The following CUL4A variants were observed in gnomAD, a reference collection of about 807,000 sequenced individuals.
CUL4A encodes the protein cullin 4A.
A neutral mutation model predicts 95.5 loss-of-function variants in CUL4A; 16 were observed. The observed-to-expected ratio is 0.17, with a 90% CI of 0.11 to 0.25. The LOEUF (loss-of-function observed/expected upper bound fraction) is 0.25, where lower values mean the gene tolerates loss of function less well. Ranked by LOEUF, CUL4A falls within the 10% of genes least tolerant of loss-of-function variation. The pLI is 1.00. For synonymous variants in CUL4A, 380 were observed against 353.1 expected (o/e 1.08, Z -0.85); for missense variants, 610 against 937.0 (o/e 0.65, Z 4.56).
In CUL4A at chr13:113,254,957, T is replaced by C. The variant is rs201528746; in HGVS notation, c.1863T>C (p.Asp621=). Residue 621 remains aspartate, a synonymous_variant, in exon 18 of 20, where the codon GAT becomes GAC. Coordinates refer to ENST00000375440, the MANE Select transcript of CUL4A (RefSeq NM_001008895.4). ...EEIKMATGIE[D]SELRRTLQSL... is the part of the protein sequence containing the mutation. Reference sequence around the variant, plus strand: ...CTGCATTTGCTTCCCATTCAGAGGATAGTGAATTGCGCAGAACGCTGCAGT... The same window carrying C: ...CTGCATTTGCTTCCCATTCAGAGGACAGTGAATTGCGCAGAACGCTGCAGT... 208 of 1,610,630 alleles carry C rather than the reference T, an allele frequency of 1.3e-4. No homozygotes were observed. Among genetic ancestry groups the C allele is most frequent in the Non-Finnish European group, 1.3e-4 (158 of 1,178,304 alleles).
chr13:113,244,029 TC>T (rs34508818), intron 11 of CUL4A, among the ~76,000 whole-genome samples: 30,120 of 152,088 alleles, frequency 0.2, 3,781 homozygotes, highest in South Asian at 0.43. Context: ...AGAAAGTCTT[TC>T]TCTTTGAGAA....
At chr13:113,243,974 C>T (rs1049626408) in intron 11 of CUL4A, among the ~76,000 whole-genome samples, 1 of 152,112 alleles carries the variant, frequency 6.6e-6, no homozygotes, top group African/African-American at 2.4e-5. Flanking sequence ...ACAGGAAGCC[C>T]GAGTAGAAAT....
chr13:113,234,871 C>T (rs889005286), intron 7 of CUL4A, among the ~76,000 whole-genome samples, 192 bp from the exon 8 acceptor site: 2 of 152,172 alleles, frequency 1.3e-5, no homozygotes, highest in Admixed American at 1.3e-4. Flanking sequence ...TTAATATCAG[C>T]GTCCTTTCTC....
At chr13:113,208,579 G>A (rs778009640), upstream of CUL4A, 51 of 1,606,006 alleles carry the variant, frequency 3.2e-5, no homozygotes, top group Middle Eastern at 5.0e-4. Context: ...GCCGCCGCGC[G>A]CTCCCCGGCT....
At chr13:113,261,617 C>A (rs1331626582) in intron 19 of CUL4A, among the ~76,000 whole-genome samples, 1 of 152,148 alleles carries the variant, frequency 6.6e-6, no homozygotes, top group South Asian at 2.1e-4. Flanking sequence ...CCTGTTGCCA[C>A]TGCAAACAAT....
At chr13:113,223,608 G>A (rs1015621504) in intron 3 of CUL4A, among the ~76,000 whole-genome samples, 45 of 152,152 alleles carry the variant, frequency 3.0e-4, no homozygotes, top group African/African-American at 1.1e-3. Context: ...CATTGGTCAG[G>A]CTGGTCTCGA....
intron 11 of CUL4A, chr13:113,244,104 C>T (rs2302755): frequency 0.24 from 56,999 of 234,206 alleles, 8,278 homozygotes; most frequent in East Asian, 0.53. Flanking sequence ...GGGGCAGTCA[C>T]GTCCTGAAAC....
intron 9 of CUL4A, 48 bp downstream of exon 9, chr13:113,236,938 G>A (rs1489702555): frequency 7.5e-7 from 1 of 1,334,474 alleles, no homozygotes; most frequent in East Asian, 2.3e-5. Flanking sequence ...ATTATCCTTA[G>A]TTCATTAGGA....
At chr13:113,228,926 C>G (rs2041207347) in intron 4 of CUL4A, among the ~76,000 whole-genome samples, 1 of 151,682 alleles carries the variant, frequency 6.6e-6, no homozygotes, top group African/African-American at 2.4e-5. Context: ...CGAGACCATC[C>G]TGGCTAACAC....
intron 8 of CUL4A, among the ~76,000 whole-genome samples, chr13:113,236,317 G>C (rs1463564283): frequency 6.6e-6 from 1 of 152,164 alleles, no homozygotes; most frequent in African/African-American, 2.4e-5. Context: ...AGCAGCCCCC[G>C]GGAGACTGGG....
intron 2 of CUL4A, among the ~76,000 whole-genome samples, chr13:113,212,850 T>C (rs1462194561): frequency 6.6e-6 from 1 of 152,188 alleles, no homozygotes; most frequent in East Asian, 1.9e-4. Flanking sequence ...TTCAGTCTCT[T>C]TTCCCCTACT....
intron 4 of CUL4A, 74 bp downstream of exon 4, chr13:113,228,119 C>T (rs2041174294): frequency 9.0e-7 from 1 of 1,115,866 alleles, no homozygotes; most frequent in Non-Finnish European, 1.4e-6. Flanking sequence ...AGAGCTGAGA[C>T]ATAGAAGTTC....
At chr13:113,212,017 TGTGTGGTGGA>T (rs2040466977) in intron 2 of CUL4A, among the ~76,000 whole-genome samples, 1 of 152,164 alleles carries the variant, frequency 6.6e-6, no homozygotes, top group East Asian at 1.9e-4. Context: ...TGCTTGTGGG[TGTGTGGTGGA>T]GTGTCATTGT....
rs527826712 is a variant in CUL4A at position 113,264,969 on chromosome 13, G to A, written c.*1387G>A. ...TCTATTTTTTTTTTCTTATAAGTTC[G>A]TTGTGTCTAGAGATTGTTAATATTG... On this transcript the variant is annotated 3_prime_UTR_variant, in exon 20 of 20. Coordinates refer to ENST00000375440, the MANE Select transcript of CUL4A (RefSeq NM_001008895.4). The A allele has an allele frequency of 2.0e-5, 3 of 151,766 alleles. No homozygotes were observed. Among genetic ancestry groups the A allele is most frequent in the Admixed American group, 6.6e-5 (1 of 15,252 alleles). The allele number at this position is 151,766 out of a possible 1,614,324, so 9.4% of individuals were successfully genotyped here. A position where few individuals can be genotyped will look rare whatever the true frequency, so the allele number is the denominator to read the frequency against.
chr13:113,220,845 G>T (rs750469948), intron 3 of CUL4A, among the ~76,000 whole-genome samples: 1 of 152,188 alleles, frequency 6.6e-6, no homozygotes, highest in East Asian at 1.9e-4. Flanking sequence ...CCAAGAAGTC[G>T]CAGGCTTATG....
rs3814259 is a variant in CUL4A, at chr13:113,261,047, T to C, written c.2184+288T>C. On this transcript the variant is annotated intron_variant, in intron 19 of 19. Coordinates refer to ENST00000375440, the MANE Select transcript of CUL4A (RefSeq NM_001008895.4). ...ATGGGACATGGAAAGCTGAACACTT[T>C]TCTCATAGTAGTAGCGGTCAAGGTT... Among the ~76,000 whole-genome samples, 309 of 152,322 alleles carry C rather than the reference T, an allele frequency of 2.0e-3. 5 individuals are homozygous for C. The highest frequency in any genetic ancestry group is 0.018 in the East Asian group (94 of 5,182).
At chr13:113,224,750 G>A (rs1159109876) in intron 3 of CUL4A, among the ~76,000 whole-genome samples, 1 of 152,244 alleles carries the variant, frequency 6.6e-6, no homozygotes, top group Non-Finnish European at 1.5e-5. Context: ...ACCCTGAGCC[G>A]TAGGTATCTT....
At chr13:113,250,876 G>A (rs557386146) in intron 15 of CUL4A, among the ~76,000 whole-genome samples, 2 of 152,272 alleles carry the variant, frequency 1.3e-5, no homozygotes, top group Non-Finnish European at 2.9e-5. Context: ...AAGATGGGGA[G>A]TAGGTGCAGC....
At chr13:113,263,330 A>G (rs1220337985) in intron 19 of CUL4A, among the ~76,000 whole-genome samples, 157 bp from the exon 20 acceptor site, 1 of 152,238 alleles carries the variant, frequency 6.6e-6, no homozygotes, top group Admixed American at 6.5e-5. Flanking sequence ...TCATTTCATA[A>G]ATATGTGTAT....
Sources: allele counts gnomAD v4.1 joint callset (sites outside exome capture counted in the v4.1 genomes callset), GRCh38; gene constraint gnomAD v4.1.1; transcripts MANE v1.5; gene names NCBI Gene and HGNC (gene_info 2026-07-23, HGNC 2026-07-21).